The following FBXO38 variants were observed in gnomAD, a reference collection of about 807,000 sequenced individuals.
The protein encoded by FBXO38 is F-box protein 38.
Under a neutral mutation model 131.9 loss-of-function variants are expected in FBXO38, and 53 were observed. That is an observed-to-expected ratio of 0.40 (90% CI 0.32 to 0.51). The LOEUF is 0.51. Among genes scored for constraint, FBXO38 ranks in the 20% least tolerant of loss-of-function variants. FBXO38 has a pLI of 0.53. For synonymous variants in FBXO38, 452 were observed against 505.6 expected (o/e 0.89, Z 1.42); for missense variants, 1,076 against 1,475.6 (o/e 0.73, Z 4.44).
chr5:148,392,862 A>G (rs562401431), intron 1 of FBXO38, among the ~76,000 whole-genome samples: 10 of 152,288 alleles, frequency 6.6e-5, no homozygotes, highest in East Asian at 5.8e-4. Context: ...TACATGTTCA[A>G]TGTAACCTTA....
intron 17 of FBXO38, 37 bp from the exon 18 acceptor site, chr5:148,438,295 G>C: frequency 6.3e-7 from 1 of 1,596,440 alleles, no homozygotes; most frequent in Non-Finnish European, 8.5e-7. Flanking sequence ...CTCCAAAGAT[G>C]ATATGTACGG....
At chr5:148,433,182 T>A in intron 15 of FBXO38, 1 of 363,514 alleles carries the variant, frequency 2.8e-6, no homozygotes, top group Non-Finnish European at 5.1e-6. Flanking sequence ...TTTATTAGAT[T>A]ATTAGGATGA....
At chr5:148,415,896 G>T (rs764447375) in intron 10 of FBXO38, 32 bp from the exon 11 acceptor site, 2 of 1,611,908 alleles carry the variant, frequency 1.2e-6, no homozygotes, top group East Asian at 4.5e-5. Flanking sequence ...ATGTTACTTA[G>T]ATTTTCTCTG....
chr5:148,390,142 G>C (rs984895425), intron 1 of FBXO38: 2 of 152,076 alleles, frequency 1.3e-5, no homozygotes, highest in African/African-American at 4.8e-5. Flanking sequence ...CAGTACCTGA[G>C]ATGAAATACT....
Position 148,427,687 on chromosome 5 carries a change from C to T in FBXO38, c.2393C>T (p.Ser798Leu). The T allele has an allele frequency of 6.2e-7, 1 of 1,614,190 alleles. No homozygotes were observed. Among genetic ancestry groups the T allele is most frequent in the Non-Finnish European group, 8.5e-7 (1 of 1,180,026 alleles). Residue 798 changes from serine (S) to leucine (L), a missense_variant, in exon 15 of 22, where the codon TCA becomes TTA. By Grantham distance (145) the Ser-to-Leu change is moderately radical (BLOSUM62 -2). Coordinates refer to ENST00000340253, the MANE Select transcript of FBXO38 (RefSeq NM_205836.3). Reference protein sequence around the residue: ...TSRCSDEERPSTSRACVVNGP... With the variant: ...TSRCSDEERPLTSRACVVNGP... The stretch of plus-strand genomic sequence containing the variant: ...AGGTGTTCTGATGAGGAACGTCCTT[C>T]AACCAGCCGAGCCTGTGTTGTGAAT...
At chr5:148,404,632 G>A (rs1199860883) in intron 5 of FBXO38, 53 bp from the exon 6 acceptor site, 3 of 1,448,408 alleles carry the variant, frequency 2.1e-6, no homozygotes, top group Non-Finnish European at 1.8e-6. Flanking sequence ...GCAAAATATA[G>A]TATATTTTTG....
At chr5:148,436,385 T>C (rs1363212914) in intron 17 of FBXO38, among the ~76,000 whole-genome samples, 1 of 152,194 alleles carries the variant, frequency 6.6e-6, no homozygotes, top group African/African-American at 2.4e-5. Context: ...GCCCAAGTGC[T>C]TAAAAATTCA....
Position 148,399,060 on chromosome 5 carries a change from G to A in FBXO38, c.190G>A (p.Val64Met), listed in dbSNP as rs1248251990. ...TCTTTCCCGGAAGCTAAAGGAAGCA[G>A]TGACCCTATATCTGCGAGTTGTGAG... ...ECLSRKLKEAVTLYLRVVRVV... is the reference protein window; with the variant it reads ...ECLSRKLKEAMTLYLRVVRVV... The change falls in exon 3 of 22, where the codon GTG becomes ATG. Residue 64 changes from valine (V) to methionine (M), a missense_variant. Around this residue, in one of 8 missense-constraint regions of FBXO38, gnomAD observed 96 missense variants for 193.9 expected, o/e 0.50. Coordinates refer to ENST00000340253, the MANE Select transcript of FBXO38 (RefSeq NM_205836.3). The A allele has an allele frequency of 6.2e-7, 1 of 1,613,596 alleles. No individual in the cohort carries two copies. The highest frequency in any genetic ancestry group is 8.5e-7 in the Non-Finnish European group (1 of 1,179,664).
intron 17 of FBXO38, among the ~76,000 whole-genome samples, chr5:148,435,673 G>A (rs1754307783): frequency 6.6e-6 from 1 of 152,194 alleles, no homozygotes; most frequent in Non-Finnish European, 1.5e-5. Flanking sequence ...GGGAGGCTGA[G>A]GCAGGAGAAT....
At chr5:148,414,056 T>C in intron 9 of FBXO38, 80 bp from the exon 10 acceptor site, 1 of 1,344,194 alleles carries the variant, frequency 7.4e-7, no homozygotes. Flanking sequence ...TTATACTGAC[T>C]GGTAAGATAC....
chr5:148,408,642 A>G (rs939942286), intron 7 of FBXO38, among the ~76,000 whole-genome samples: 2 of 152,248 alleles, frequency 1.3e-5, no homozygotes, highest in East Asian at 1.9e-4. Context: ...GATTTTATTT[A>G]TACAAATTTA....
chr5:148,402,011 T>C lies in FBXO38; in HGVS notation c.292T>C (p.Leu98=), dbSNP rs1262560703. The change falls in exon 4 of 22, where the codon TTA becomes CTA. Residue 98 remains leucine (L), a synonymous_variant. Transcript: ENST00000340253. ...TACAGATGCCAGTTTTCTAACACTATTAAAGAAGATGCCAGATGTTGAACA... is the reference window on the plus strand; with the variant it reads ...TACAGATGCCAGTTTTCTAACACTACTAAAGAAGATGCCAGATGTTGAACA... The part of the protein sequence containing the change: ...GFTDASFLTL[L]KKMPDVEQLY... The C allele has an allele frequency of 1.2e-6, 2 of 1,612,848 alleles. No individual in the cohort carries two copies. Among genetic ancestry groups the C allele is most frequent in the Non-Finnish European group, 8.5e-7 (1 of 1,179,062 alleles).
At chr5:148,416,149 T>G in intron 11 of FBXO38, 79 bp downstream of exon 11, 1 of 1,352,830 alleles carries the variant, frequency 7.4e-7, no homozygotes, top group Non-Finnish European at 9.9e-7. Context: ...TTTTTTTTTT[T>G]CTTTTCAATG....
chr5:148,423,539 T>C (rs1382993122), intron 12 of FBXO38, among the ~76,000 whole-genome samples: 1 of 152,208 alleles, frequency 6.6e-6, no homozygotes, highest in African/African-American at 2.4e-5. Context: ...ATTTCTCATT[T>C]TGGCAATAAC....
At chr5:148,411,459 A>G (rs1752748556) in intron 9 of FBXO38, among the ~76,000 whole-genome samples, 1 of 152,156 alleles carries the variant, frequency 6.6e-6, no homozygotes. Context: ...GATTTGCAAC[A>G]AGTCTTTCTT....
chr5:148,427,928 A>C lies in FBXO38; in HGVS notation c.2634A>C (p.Val878=). 6.6e-7 allele frequency: 1 copy of C among 1,517,102 alleles called. No individual in the cohort carries two copies. Among genetic ancestry groups the C allele is most frequent in the Non-Finnish European group, 8.8e-7 (1 of 1,133,656 alleles). 94.0% of individuals were successfully genotyped at this position (1,517,102 alleles called of 1,614,324 possible). A position where few individuals can be genotyped will look rare whatever the true frequency, so the allele number is the denominator to read the frequency against. Residue 878 remains valine, a synonymous_variant, in exon 15 of 22, where the codon GTA becomes GTC. Coordinates refer to ENST00000340253, the MANE Select transcript of FBXO38 (RefSeq NM_205836.3). ...GGGCCAGGAGCAGACTGTCCCATGT[A>C]CTGCTGGTATCTGAGTCAGGTATGA... ...LTRARSRLSH[V]LLVSESEVAK... is the part of the protein sequence containing the mutation.
intron 18 of FBXO38, 126 bp downstream of exon 18, chr5:148,438,624 TTAGTTTTTACAGGTTATGTATGATA>T (rs1334640601): frequency 5.8e-5 from 60 of 1,030,758 alleles, no homozygotes; most frequent in Non-Finnish European, 8.1e-5. Flanking sequence ...TAATGATATT[TTAGTTTTTACAGGTTATGTATGATA>T]TAGGGAGTTG....
intron 18 of FBXO38, among the ~76,000 whole-genome samples, chr5:148,439,153 G>A (rs989509250): frequency 5.3e-5 from 8 of 152,102 alleles, no homozygotes; most frequent in Admixed American, 2.0e-4. Context: ...CTTATGCCAC[G>A]CAGATGGCCG....
chr5:148,407,590 A>G (rs62387738), intron 7 of FBXO38, among the ~76,000 whole-genome samples: 1 of 152,102 alleles, frequency 6.6e-6, no homozygotes, highest in Non-Finnish European at 1.5e-5. Flanking sequence ...AATTAAAATT[A>G]AAATTTTTTT....
Sources: allele counts gnomAD v4.1 joint callset (sites outside exome capture counted in the v4.1 genomes callset), GRCh38; gene constraint gnomAD v4.1.1; regional missense constraint gnomAD v4.1.1; transcripts MANE v1.5; gene names NCBI Gene and HGNC (gene_info 2026-07-23, HGNC 2026-07-21).